Variants in MTHFS observed in about 807,000 individuals in gnomAD.
MTHFS encodes 5-formyltetrahydrofolate cyclo-ligase.
A neutral mutation model predicts 12.7 loss-of-function variants in MTHFS; 7 were observed. The ratio of observed to expected loss-of-function variants is 0.55; its 90% confidence interval spans 0.31 to 1.03. The LOEUF (loss-of-function observed/expected upper bound fraction) is 1.03. Ranked by LOEUF, MTHFS falls within the 50% of genes least tolerant of loss-of-function variation. The pLI, the probability that MTHFS is intolerant of heterozygous loss-of-function variation, is 0.05. For synonymous variants in MTHFS, 100 were observed against 97.1 expected (o/e 1.03, Z -0.18); for missense variants, 252 against 258.1 (o/e 0.98, Z 0.16).
At chr15:79,864,547 CAAAAAAAAAAAAAAAAAAAA>C (rs58698908) in intron 2 of MTHFS, among the ~76,000 whole-genome samples, 5 of 64,512 alleles carry the variant, frequency 7.8e-5, no homozygotes, top group African/African-American at 1.5e-4. Context: ...TCCATCTCAA[CAAAAAAAAAAAAAAAAAAAA>C]AAAAAAAAAA....
chr15:79,866,880 C>T (rs993690099), intron 2 of MTHFS, among the ~76,000 whole-genome samples: 11 of 151,984 alleles, frequency 7.2e-5, no homozygotes, highest in Admixed American at 2.6e-4. Flanking sequence ...CGCTTGAATC[C>T]GGGAGGCAGA....
chr15:79,896,815 C>T, intron 1 of MTHFS, 57 bp downstream of exon 1: 1 of 1,533,998 alleles, frequency 6.5e-7, no homozygotes, highest in African/African-American at 1.4e-5. Flanking sequence ...CAATCGCTGG[C>T]CGCCAGGCCT....
In MTHFS at chr15:79,864,547, C is replaced by CAAAAAA. The variant is rs58698908; in HGVS notation, c.380-19111_380-19106dup. Among the ~76,000 whole-genome samples, 527 of 64,490 alleles carry CAAAAAA rather than the reference C, an allele frequency of 8.2e-3. 37 individuals carry two copies. Among genetic ancestry groups the CAAAAAA allele is most frequent in the African/African-American group, 0.013 (173 of 13,366 alleles). 42.3% of individuals were successfully genotyped at this position (64,490 alleles called of 152,430 possible). On this transcript the variant is annotated intron_variant, in intron 2 of 2. Transcript: ENST00000258874. ...GCAACAAAGTGAGACTCCATCTCAA[C>CAAAAAA]AAAAAAAAAAAAAAAAAAAAAAAAA...
In MTHFS at chr15:79,896,985, C is replaced by G. The variant is rs1176703814; in HGVS notation, c.4G>C (p.Ala2Pro). ...TTGGCGCTGCTCACCGCTGCCGCCG[C>G]CATCTCACGCCCAAGCCGAGTCCAG... M[A>P]AAAVSSAKRS... is the part of the protein sequence containing the mutation. The change falls in exon 1 of 3, where the codon GCG (alanine) becomes CCG (proline). Residue 2 changes from alanine (A) to proline (P), a missense_variant. Physicochemically the swap from Ala to Pro is conservative, Grantham distance 27 (BLOSUM62 -1). Coordinates refer to ENST00000258874, the MANE Select transcript of MTHFS (RefSeq NM_006441.4). 1 of 1,528,982 alleles carries G rather than the reference C, an allele frequency of 6.5e-7. No homozygotes were observed. The highest frequency in any genetic ancestry group is 2.0e-5 in the Admixed American group (1 of 50,626). 94.7% of individuals were successfully genotyped at this position (1,528,982 alleles called of 1,614,324 possible).
chr15:79,897,212 T>A, upstream of MTHFS: 1 of 449,792 alleles, frequency 2.2e-6, no homozygotes, highest in Non-Finnish European at 3.8e-6. Flanking sequence ...GTGGTCCGGC[T>A]CGCCCTCCCC....
chr15:79,887,153 C>T (rs1041751995), intron 2 of MTHFS, among the ~76,000 whole-genome samples: 1 of 151,894 alleles, frequency 6.6e-6, no homozygotes, highest in Non-Finnish European at 1.5e-5. Context: ...TGAACCCAGG[C>T]GGTGGAAGTT....
intron 2 of MTHFS, among the ~76,000 whole-genome samples, chr15:79,880,454 T>C (rs918776986): frequency 3.9e-5 from 6 of 152,016 alleles, no homozygotes; most frequent in African/African-American, 1.2e-4. Context: ...AAGATAAACA[T>C]TGATGGATCA....
At chr15:79,865,423 G>C (rs968217120) in intron 2 of MTHFS, among the ~76,000 whole-genome samples, 1 of 152,222 alleles carries the variant, frequency 6.6e-6, no homozygotes, top group Non-Finnish European at 1.5e-5. Flanking sequence ...TAGGAAAAAG[G>C]GAATTTGATA....
chr15:79,896,573 AAG>A (rs1219728927), intron 1 of MTHFS, among the ~76,000 whole-genome samples: 1 of 152,194 alleles, frequency 6.6e-6, no homozygotes, highest in Non-Finnish European at 1.5e-5. Flanking sequence ...CGAGCACCAA[AAG>A]AGCCACCCAT....
chr15:79,879,643 T>C (rs2141368182), intron 2 of MTHFS, among the ~76,000 whole-genome samples: 1 of 152,322 alleles, frequency 6.6e-6, no homozygotes, highest in Middle Eastern at 3.4e-3. Flanking sequence ...AAATTAATAG[T>C]TGAAGAAAAT....
Position 79,896,968 on chromosome 15 carries a change from G to C in MTHFS, c.21C>G (p.Ser7Arg). MAAAAVSSAKRSLRGEL... is the reference protein window; with the variant it reads MAAAAVRSAKRSLRGEL... ...CTCCCCGCAGGCTCCGCTTGGCGCT[G>C]CTCACCGCTGCCGCCGCCATCTCAC... Residue 7 changes from serine to arginine, a missense_variant, in exon 1 of 3, where the codon AGC becomes AGG. Coordinates refer to ENST00000258874, the MANE Select transcript of MTHFS (RefSeq NM_006441.4). 1 of 1,532,096 alleles carries C rather than the reference G, an allele frequency of 6.5e-7. No individual in the cohort carries two copies. The highest frequency in any genetic ancestry group is 8.7e-7 in the Non-Finnish European group (1 of 1,144,548). 94.9% of individuals were successfully genotyped at this position (1,532,096 alleles called of 1,614,324 possible). A position where few individuals can be genotyped will look rare whatever the true frequency, so the allele number is the denominator to read the frequency against.
intron 2 of MTHFS, among the ~76,000 whole-genome samples, chr15:79,885,715 T>G (rs1371719391): frequency 6.6e-6 from 1 of 152,240 alleles, no homozygotes; most frequent in Non-Finnish European, 1.5e-5. Flanking sequence ...TCCAGGACTT[T>G]ATCGGACTGT....
chr15:79,891,719 G>C (rs956873833), intron 1 of MTHFS, among the ~76,000 whole-genome samples: 1 of 152,182 alleles, frequency 6.6e-6, no homozygotes, highest in Non-Finnish European at 1.5e-5. Flanking sequence ...TGTAAACCCA[G>C]CACTTAGGGA....
At chr15:79,862,451 C>G (rs1204750790) in intron 2 of MTHFS, among the ~76,000 whole-genome samples, 1 of 152,150 alleles carries the variant, frequency 6.6e-6, no homozygotes, top group African/African-American at 2.4e-5. Context: ...CAAGGAGAAA[C>G]TGAAAATGCT....
At chr15:79,861,694 G>T (rs2033916457) in intron 2 of MTHFS, among the ~76,000 whole-genome samples, 1 of 152,096 alleles carries the variant, frequency 6.6e-6, no homozygotes, top group Non-Finnish European at 1.5e-5. Context: ...AACCCAAATA[G>T]CTATCAACAG....
At chr15:79,855,814 AG>A (rs1180695867) in intron 2 of MTHFS, among the ~76,000 whole-genome samples, 1 of 152,202 alleles carries the variant, frequency 6.6e-6, no homozygotes, top group African/African-American at 2.4e-5. Context: ...AATACCCTCC[AG>A]CTCCAACCAT....
At chr15:79,858,854 A>T (rs1337262278) in intron 2 of MTHFS, among the ~76,000 whole-genome samples, 1 of 152,220 alleles carries the variant, frequency 6.6e-6, no homozygotes, top group Non-Finnish European at 1.5e-5. Flanking sequence ...TAACTTTAAA[A>T]TTACTTCAGA....
intron 2 of MTHFS, among the ~76,000 whole-genome samples, chr15:79,886,199 A>G (rs1187253486): frequency 6.6e-6 from 1 of 152,242 alleles, no homozygotes; most frequent in African/African-American, 2.4e-5. Flanking sequence ...AAAGATAAAC[A>G]GACAACAAAA....
At position 79,896,859 on chromosome 15, in the gene MTHFS, G is replaced by T; in HGVS notation, c.117+13C>A. The T allele has an allele frequency of 6.5e-7, 1 of 1,541,562 alleles. No homozygotes were observed. ...TCTGTCCGCCGCGGCTTCCGCTACG[G>T]GCGGCCTCGCACCTTCTGGCTCAGT... On this transcript the variant is annotated intron_variant, in intron 1 of 2. Coordinates refer to ENST00000258874, the MANE Select transcript of MTHFS (RefSeq NM_006441.4).
Sources: gnomAD v4.1 joint callset for allele counts (sites outside exome capture counted in the v4.1 genomes callset) on GRCh38, gnomAD v4.1.1 for gene constraint, MANE v1.5 for transcripts, NCBI Gene and HGNC (gene_info 2026-07-23, HGNC 2026-07-21) for gene names.